Variants in ZSWIM8 observed in about 807,000 individuals in gnomAD.
ZSWIM8 encodes zinc finger SWIM-type containing 8.
In ZSWIM8, 27 loss-of-function variants were observed where a neutral mutation model predicts 173.7. The ratio of observed to expected loss-of-function variants is 0.16; its 90% CI spans 0.11 to 0.21. The LOEUF (loss-of-function observed/expected upper bound fraction) is 0.21, where lower values mean the gene tolerates loss of function less well. Ranked by LOEUF, ZSWIM8 falls within the 10% of genes least tolerant of loss-of-function variation. The pLI is 1.00. For synonymous variants in ZSWIM8, 958 were observed against 962.0 expected (o/e 1.00, Z 0.08); for missense variants, 1,627 against 2,428.8 (o/e 0.67, Z 6.94).
chr10:73,795,412 T>C, intron 14 of ZSWIM8, 127 bp from the exon 15 acceptor site: 1 of 1,409,510 alleles, frequency 7.1e-7, no homozygotes, highest in Non-Finnish European at 9.7e-7. Context: ...CTTCTATAGG[T>C]GATGTGGGTT....
intron 1 of ZSWIM8, among the ~76,000 whole-genome samples, chr10:73,787,815 T>C (rs2132651322): frequency 6.6e-6 from 1 of 152,248 alleles, no homozygotes; most frequent in East Asian, 1.9e-4. Flanking sequence ...ATGGCACCAT[T>C]GCACTCCAGC....
chr10:73,801,001 T>C lies in ZSWIM8; in HGVS notation c.5123-16T>C. On this transcript the variant is annotated splice_polypyrimidine_tract_variant and intron_variant, in intron 24 of 25. Coordinates refer to ENST00000604729, the MANE Select transcript of ZSWIM8 (RefSeq NM_001367799.1). This position sits in a 1 kb window ranked among gnomAD's most constrained non-coding sequence, Gnocchi z 4.9. The stretch of plus-strand genomic sequence containing the variant: ...GGTGGCCACCCCCGTCTCATGCCCC[T>C]CCCCCTGCCCCCCAGGAGTGAACTA... 2 of 1,533,908 alleles carry C rather than the reference T, an allele frequency of 1.3e-6. No individual in the cohort carries two copies. Among genetic ancestry groups the C allele is most frequent in the Non-Finnish European group, 8.8e-7 (1 of 1,134,020 alleles).
intron 1 of ZSWIM8, chr10:73,786,341 T>TGTGTGC (rs2083221741): frequency 2.4e-6 from 1 of 410,430 alleles, no homozygotes. Context: ...TGTGTGTGTG[T>TGTGTGC]GTGTGCGCGC....
In ZSWIM8 at chr10:73,791,921, G is replaced by T; in HGVS notation, c.1382G>T (p.Arg461Leu). Residue 461 changes from arginine to leucine, a missense_variant, in exon 10 of 26, where the codon CGG becomes CTG. Physicochemically the swap from Arg to Leu is moderately radical, Grantham distance 102. Coordinates refer to ENST00000604729, the MANE Select transcript of ZSWIM8 (RefSeq NM_001367799.1). The surrounding 1 kb of genome is among the most constrained non-coding windows in gnomAD (Gnocchi z 6.0). ...CTGAAGGTGATTGAGAACGTCAAGC[G>T]GGGCCAACACAAGAAGACGCTGGAG... ...WQLKVIENVK[R>L]GQHKKTLERL... is the part of the protein sequence containing the mutation. The T allele has an allele frequency of 6.4e-7, 1 of 1,551,688 alleles. No individual in the cohort carries two copies. Among genetic ancestry groups the T allele is most frequent in the Non-Finnish European group, 8.7e-7 (1 of 1,146,958 alleles).
intron 15 of ZSWIM8, 144 bp from the exon 16 acceptor site, chr10:73,796,630 A>G (rs1417230618): frequency 9.0e-7 from 1 of 1,108,368 alleles, no homozygotes; most frequent in African/African-American, 1.6e-5. Flanking sequence ...GTAAACCAGG[A>G]GGTCATCCTG....
At chr10:73,786,248 C>A in intron 1 of ZSWIM8, 162 bp downstream of exon 1, 2 of 826,622 alleles carry the variant, frequency 2.4e-6, no homozygotes, top group Non-Finnish European at 3.6e-6. Context: ...GGAGCTGTCC[C>A]AAGCTTAGAA....
intron 11 of ZSWIM8, 21 bp downstream of exon 11, chr10:73,793,740 A>AC: frequency 6.7e-6 from 10 of 1,502,388 alleles, no homozygotes; most frequent in South Asian, 2.4e-5. Context: ...CCCTTCCTCT[A>AC]CCTTCCCCTC....
chr10:73,789,625 C>G lies in ZSWIM8; in HGVS notation c.630+86C>G, dbSNP rs1389666910. ...CATGCCTGGCTACAATGTGAGCCCCCTCGCCTCGCCTACTCTGCCTCTCTG... is the reference window on the plus strand; with the variant it reads ...CATGCCTGGCTACAATGTGAGCCCCGTCGCCTCGCCTACTCTGCCTCTCTG... On this transcript the variant is annotated intron_variant, in intron 4 of 25. Transcript: ENST00000604729. The surrounding 1 kb of genome is among the most constrained non-coding windows in gnomAD (Gnocchi z 6.8). 6.5e-7 allele frequency: 1 copy of G among 1,546,254 alleles called. No homozygotes were observed. The highest frequency in any genetic ancestry group is 1.4e-5 in the African/African-American group (1 of 73,326).
intron 20 of ZSWIM8, 121 bp from the exon 21 acceptor site, chr10:73,798,881 A>G (rs932092221): frequency 7.3e-6 from 10 of 1,362,632 alleles, no homozygotes; most frequent in Non-Finnish European, 9.9e-6. Flanking sequence ...AAGCATTGAC[A>G]CTGACCTCTG....
rs746170465 is a variant in ZSWIM8, at chr10:73,791,537, G to C, written c.1319+38G>C. On this transcript the variant is annotated intron_variant, in intron 9 of 25. Transcript: ENST00000604729. This position sits in a 1 kb window ranked among gnomAD's most constrained non-coding sequence, Gnocchi z 6.0. ...TGAGGCTCACCACAGAACTGAGCCT[G>C]GGCCAGCTCAGGACAGACTGAGCCT... The C allele has an allele frequency of 4.5e-6, 7 of 1,547,634 alleles. No individual in the cohort carries two copies. The highest frequency in any genetic ancestry group is 1.2e-5 in the South Asian group (1 of 84,130).
At position 73,791,765 on chromosome 10, in the gene ZSWIM8, C is replaced by T; in HGVS notation, c.1320-94C>T. On this transcript the variant is annotated intron_variant, in intron 9 of 25. Transcript: ENST00000604729. The surrounding 1 kb of genome is among the most constrained non-coding windows in gnomAD (Gnocchi z 6.0). ...TGGGTCAAGAAGTACTTTCCTGTATCCTTTCCCCATGCCTCTCTTTGGGGT... is the reference window on the plus strand; with the variant it reads ...TGGGTCAAGAAGTACTTTCCTGTATTCTTTCCCCATGCCTCTCTTTGGGGT... 7.0e-7 allele frequency: 1 copy of T among 1,423,174 alleles called. No individual in the cohort carries two copies. 88.2% of individuals were successfully genotyped at this position (1,423,174 alleles called of 1,614,324 possible). A position where few individuals can be genotyped will look rare whatever the true frequency, so the allele number is the denominator to read the frequency against.
Position 73,797,808 on chromosome 10 carries a change from T to C in ZSWIM8, c.3690T>C (p.His1230=). The part of the protein sequence containing the change: ...GRYKGRRPES[H]APHVPNQPSE... ...ACAAGGGCCGCCGCCCCGAGAGTCA[T>C]GCCCCTCATGTACCCAATCAGCCAT... Residue 1230 remains histidine (H), a synonymous_variant, in exon 19 of 26, where the codon CAT becomes CAC. Coordinates refer to ENST00000604729, the MANE Select transcript of ZSWIM8 (RefSeq NM_001367799.1). This position sits in a 1 kb window ranked among gnomAD's most constrained non-coding sequence, Gnocchi z 5.6. 6.2e-7 allele frequency: 1 copy of C among 1,613,194 alleles called. No homozygotes were observed. The highest frequency in any genetic ancestry group is 8.5e-7 in the Non-Finnish European group (1 of 1,179,488).
rs2132772391 is a variant in ZSWIM8, at chr10:73,797,540, C to T, written c.3597C>T (p.Ser1199=). Residue 1199 remains serine (S), a synonymous_variant, in exon 18 of 26, where the codon TCC becomes TCT. Coordinates refer to ENST00000604729, the MANE Select transcript of ZSWIM8 (RefSeq NM_001367799.1). The surrounding 1 kb of genome is among the most constrained non-coding windows in gnomAD (Gnocchi z 5.6). ...SSSSDSLGSS[S]SSGSRRASAS... ...CTTCGGACTCCCTGGGCTCCTCATC[C>T]TCCAGTGGAAGTCGCCGGGCCAGTG... 1 of 1,613,952 alleles carries T rather than the reference C, an allele frequency of 6.2e-7. No individual in the cohort carries two copies. Among genetic ancestry groups the T allele is most frequent in the Non-Finnish European group, 8.5e-7 (1 of 1,179,876 alleles).
chr10:73,797,115 A>T lies in ZSWIM8; in HGVS notation c.3277A>T (p.Ser1093Cys). Reference protein sequence around the residue: ...EGFTEKNVPESSPHSPCEGLP... With the variant: ...EGFTEKNVPECSPHSPCEGLP... ...AGCGTCCTGTTTTCCTCACCTAGAG[A>T]GTTCCCCACATTCCCCCTGTGAGGG... Residue 1093 changes from serine (S) to cysteine (C), a missense_variant and splice_region_variant, in exon 17 of 26, where the codon AGT (serine) becomes TGT (cysteine). By Grantham distance (112) the Ser-to-Cys change is moderately radical. This residue lies in a region of ZSWIM8 where 163 missense variants were observed against 193.2 expected (regional missense o/e 0.84). Coordinates refer to ENST00000604729, the MANE Select transcript of ZSWIM8 (RefSeq NM_001367799.1). The surrounding 1 kb of genome is among the most constrained non-coding windows in gnomAD (Gnocchi z 5.6). 6.2e-7 allele frequency: 1 copy of T among 1,613,528 alleles called. No individual in the cohort carries two copies. The highest frequency in any genetic ancestry group is 1.1e-5 in the South Asian group (1 of 91,006).
rs1434391648 is a variant in ZSWIM8, at chr10:73,792,411, T to A, written c.1872T>A (p.Asp624Glu). The A allele has an allele frequency of 1.2e-6, 2 of 1,604,354 alleles. No individual in the cohort carries two copies. Among genetic ancestry groups the A allele is most frequent in the African/African-American group, 1.3e-5 (1 of 74,684 alleles). The change falls in exon 10 of 26, where the codon GAT becomes GAA. Residue 624 changes from aspartate to glutamate, a missense_variant. By Grantham distance (45) the Asp-to-Glu change is conservative (BLOSUM62 2). This residue lies in a region of ZSWIM8 where 383 missense variants were observed against 394.8 expected (regional missense o/e 0.97). Coordinates refer to ENST00000604729, the MANE Select transcript of ZSWIM8 (RefSeq NM_001367799.1). The surrounding 1 kb of genome is among the most constrained non-coding windows in gnomAD (Gnocchi z 4.3). ...LEPDLAEMSLDDSSLALGAEA... is the reference protein window; with the variant it reads ...LEPDLAEMSLEDSSLALGAEA... ...CAGACCTGGCCGAGATGAGCCTGGA[T>A]GACAGCAGCCTGGCCCTGGGCGCAG...
chr10:73,796,952 C>T lies in ZSWIM8; in HGVS notation c.3212C>T (p.Pro1071Leu). The T allele has an allele frequency of 6.2e-7, 1 of 1,613,960 alleles. No homozygotes were observed. Among genetic ancestry groups the T allele is most frequent in the Non-Finnish European group, 8.5e-7 (1 of 1,179,818 alleles). Residue 1071 changes from proline (P) to leucine (L), a missense_variant, in exon 16 of 26, where the codon CCA becomes CTA. Physicochemically the swap from Pro to Leu is moderately conservative, Grantham distance 98. Coordinates refer to ENST00000604729, the MANE Select transcript of ZSWIM8 (RefSeq NM_001367799.1). Reference protein sequence around the residue: ...LTSGSAGPAQPGSVAGAGPGP... With the variant: ...LTSGSAGPAQLGSVAGAGPGP... ...TCAGGCTCTGCAGGGCCTGCTCAAC[C>T]AGGGAGTGTGGCAGGGGCTGGGCCA...
chr10:73,801,300 A>G lies in ZSWIM8; in HGVS notation c.5302-16A>G. ...TGCTTTGTACTAAGGCTCATCCTGC[A>G]CACATCCTCCTCCAGTACATCCACC... On this transcript the variant is annotated splice_polypyrimidine_tract_variant and intron_variant, in intron 25 of 25. Coordinates refer to ENST00000604729, the MANE Select transcript of ZSWIM8 (RefSeq NM_001367799.1). This position sits in a 1 kb window ranked among gnomAD's most constrained non-coding sequence, Gnocchi z 4.9. 1 of 1,613,236 alleles carries G rather than the reference A, an allele frequency of 6.2e-7. No homozygotes were observed. Among genetic ancestry groups the G allele is most frequent in the Non-Finnish European group, 8.5e-7 (1 of 1,179,360 alleles).
In ZSWIM8 at chr10:73,801,358, G is replaced by T; in HGVS notation, c.5344G>T (p.Asp1782Tyr). The T allele has an allele frequency of 6.2e-7, 1 of 1,613,938 alleles. No individual in the cohort carries two copies. Among genetic ancestry groups the T allele is most frequent in the Non-Finnish European group, 8.5e-7 (1 of 1,179,860 alleles). The change falls in exon 26 of 26, where the codon GAC becomes TAC. Residue 1782 changes from aspartate (D) to tyrosine (Y), a missense_variant. By Grantham distance (160) the Asp-to-Tyr change is radical. This residue lies in a region of ZSWIM8 where 122 missense variants were observed against 196.1 expected (regional missense o/e 0.62). Coordinates refer to ENST00000604729, the MANE Select transcript of ZSWIM8 (RefSeq NM_001367799.1). The surrounding 1 kb of genome is among the most constrained non-coding windows in gnomAD (Gnocchi z 4.9). ...GATTCACCTGACTCCTGCGGACTAC[G>T]ACGACTTTGTGAATGCGATCCGGAG... ...RLIHLTPADY[D>Y]DFVNAIRSAR...
chr10:73,800,466 C>T lies in ZSWIM8; in HGVS notation c.4996C>T (p.Arg1666Cys). ...CCTGCACCACCTGCATGCTGCCTAC[C>T]GTGTCGGTGAGAGGACATCCCTTTC... ...HSLHHLHAAY[R>C]VGMLALEMLG... is the part of the protein sequence containing the mutation. The change falls in exon 23 of 26, where the codon CGT (arginine) becomes TGT (cysteine). Residue 1666 changes from arginine to cysteine, a missense_variant. Arg to Cys is a radical substitution (Grantham distance 180, BLOSUM62 -3). Coordinates refer to ENST00000604729, the MANE Select transcript of ZSWIM8 (RefSeq NM_001367799.1). This position sits in a 1 kb window ranked among gnomAD's most constrained non-coding sequence, Gnocchi z 4.1. 5.6e-6 allele frequency: 9 copies of T among 1,613,708 alleles called. No individual in the cohort carries two copies. The highest frequency in any genetic ancestry group is 6.8e-6 in the Non-Finnish European group (8 of 1,179,736).
Sources: gnomAD v4.1 joint callset for allele counts (sites outside exome capture counted in the v4.1 genomes callset) on GRCh38, gnomAD v4.1.1 for gene constraint, gnomAD v4.1.1 regional missense constraint, Gnocchi (gnomAD v3.1) non-coding constraint, MANE v1.5 for transcripts, NCBI Gene and HGNC (gene_info 2026-07-23, HGNC 2026-07-21) for gene names.